The following DACH1 variants were observed in gnomAD, a reference collection of about 807,000 sequenced individuals.
The protein encoded by DACH1 is dachshund homolog 1.
In DACH1, 12 loss-of-function variants were observed where a neutral mutation model predicts 54.2. That is an observed-to-expected ratio of 0.22 (90% confidence interval 0.14 to 0.36). The LOEUF is 0.36. Ranked by LOEUF, DACH1 falls within the 10% of genes least tolerant of loss-of-function variation. The probability of loss-of-function intolerance (pLI) is 1.00; values close to 1 mark genes in which losing one functional copy is unlikely to be tolerated. For synonymous variants in DACH1, 386 were observed against 366.2 expected (o/e 1.05, Z -0.62); for missense variants, 805 against 929.8 (o/e 0.87, Z 1.75).
chr13:71,807,703 A>G (rs2138142372), intron 1 of DACH1, among the ~76,000 whole-genome samples: 1 of 152,306 alleles, frequency 6.6e-6, no homozygotes, highest in South Asian at 2.1e-4. Context: ...ACTTTTGGTA[A>G]TTGATTTCCT....
chr13:71,578,917 T>C (rs1322016871), intron 3 of DACH1, among the ~76,000 whole-genome samples: 1 of 152,156 alleles, frequency 6.6e-6, no homozygotes, highest in African/African-American at 2.4e-5. Flanking sequence ...CTTACATCAA[T>C]TTATTTTTTT....
Position 71,867,010 on chromosome 13 carries a change from C to A in DACH1, c.-241G>T. On this transcript the variant is annotated 5_prime_UTR_variant, in exon 1 of 11. Coordinates refer to ENST00000613252, the MANE Select transcript of DACH1 (RefSeq NM_080759.6). ...GAGAGGAACGCACAAAAGTGTCCCG[C>A]AAGTCGAAATGCGAGTCCTCTCCGG... 1 of 188,624 alleles carries A rather than the reference C, an allele frequency of 5.3e-6. No homozygotes were observed. The allele number at this position is 188,624 out of a possible 1,614,324, so 11.7% of individuals were successfully genotyped here.
At chr13:71,730,460 T>A (rs1214651878) in intron 1 of DACH1, among the ~76,000 whole-genome samples, 1 of 152,200 alleles carries the variant, frequency 6.6e-6, no homozygotes, top group Non-Finnish European at 1.5e-5. Context: ...TCATTCTGAA[T>A]GTATTTGAAA....
intron 3 of DACH1, chr13:71,573,439 G>A (rs922296793): frequency 2.8e-6 from 2 of 716,662 alleles, no homozygotes; most frequent in African/African-American, 3.5e-5. Context: ...AGGTGGCTCT[G>A]CTGAAGATGG....
intron 7 of DACH1, among the ~76,000 whole-genome samples, chr13:71,487,329 C>G (rs1878619607): frequency 6.6e-6 from 1 of 152,104 alleles, no homozygotes; most frequent in Admixed American, 6.5e-5. Context: ...TATATTAAAT[C>G]TAGAGCCACC....
At chr13:71,832,545 G>A (rs1440618735) in intron 1 of DACH1, among the ~76,000 whole-genome samples, 2 of 151,906 alleles carry the variant, frequency 1.3e-5, no homozygotes, top group African/African-American at 4.8e-5. Context: ...AAAAATGGCT[G>A]TAGATGACTA....
At chr13:71,640,750 G>T (rs897498774) in intron 2 of DACH1, among the ~76,000 whole-genome samples, 3 of 152,074 alleles carry the variant, frequency 2.0e-5, no homozygotes, top group Admixed American at 6.6e-5. Flanking sequence ...GATTGAAAGT[G>T]TGTGATACTC....
chr13:71,625,865 C>T (rs1253347652), intron 3 of DACH1, among the ~76,000 whole-genome samples: 2 of 151,872 alleles, frequency 1.3e-5, no homozygotes, highest in Non-Finnish European at 2.9e-5. Context: ...ATGGTTTAAA[C>T]AATGAGATTT....
intron 6 of DACH1, among the ~76,000 whole-genome samples, chr13:71,529,705 T>TTAAG (rs1882285959): frequency 6.6e-6 from 1 of 152,192 alleles, no homozygotes; most frequent in South Asian, 2.1e-4. Context: ...CATTCATCTT[T>TTAAG]TAAGTGCAAA....
In DACH1 at chr13:71,691,970, T is replaced by G. The variant is rs1352675738; in HGVS notation, c.849-10060A>C. ...TTGTCAACTGAAGGAGAGGAGGGGG[T>G]GCTAAGTAACGAAACAGCCATAGAG... On this transcript the variant is annotated intron_variant, in intron 1 of 10. Transcript: ENST00000613252. Among the ~76,000 whole-genome samples the G allele has an allele frequency of 3.4e-5, 5 of 146,812 alleles. No homozygotes were observed. The East Asian group carries it at 6.0e-4, about 18-fold the overall frequency.
chr13:71,651,662 CTGTATCTGTATCTGTATCTGTATA>C (rs1194002667), intron 2 of DACH1, among the ~76,000 whole-genome samples: 8 of 103,714 alleles, frequency 7.7e-5, no homozygotes, highest in African/African-American at 3.1e-4. Flanking sequence ...GTATATGTAT[CTGTATCTGTATCTGTATCTGTATA>C]TGTATATGTA....
At chr13:71,818,546 G>A (rs9542749) in intron 1 of DACH1, among the ~76,000 whole-genome samples, 100,342 of 151,986 alleles carry the variant, frequency 0.66, 33,577 homozygotes, top group East Asian at 0.88. Flanking sequence ...TATCATCTCC[G>A]GGGCTGTGAC....
chr13:71,834,654 C>T (rs1270690608), intron 1 of DACH1, among the ~76,000 whole-genome samples: 5 of 152,006 alleles, frequency 3.3e-5, no homozygotes, highest in Non-Finnish European at 7.4e-5. Flanking sequence ...CCAATTCTCT[C>T]ATTTTATAAA....
At chr13:71,787,204 G>A (rs146466262) in intron 1 of DACH1, among the ~76,000 whole-genome samples, 278 of 152,272 alleles carry the variant, frequency 1.8e-3, no homozygotes, top group Middle Eastern at 3.4e-3. Flanking sequence ...AAACTCCAGC[G>A]TGCTTACATT....
At chr13:71,506,713 G>C (rs2138246435) in intron 6 of DACH1, among the ~76,000 whole-genome samples, 1 of 152,138 alleles carries the variant, frequency 6.6e-6, no homozygotes, top group East Asian at 1.9e-4. Context: ...CAGAGATATT[G>C]ATCAATGGAA....
chr13:71,753,668 C>A (rs1001624061), intron 1 of DACH1, among the ~76,000 whole-genome samples: 9 of 152,134 alleles, frequency 5.9e-5, no homozygotes, highest in Non-Finnish European at 1.0e-4. Context: ...TAACTTGCTT[C>A]GCAAGTGGAA....
chr13:71,663,065 A>T lies in DACH1; in HGVS notation c.964+18730T>A, dbSNP rs187880614. On this transcript the variant is annotated intron_variant, in intron 2 of 10. Transcript: ENST00000613252. ...ATATATTGTATGATATCTAATATTC[A>T]CTTCAGATTTTCTGCAACAAGAAGA... 4.6e-5 allele frequency among the ~76,000 whole-genome samples: 7 copies of T among 151,970 alleles called. No homozygotes were observed. In the East Asian group the frequency reaches 1.4e-3, roughly 29 times the overall value.
Position 71,696,137 on chromosome 13 carries a change from T to G in DACH1, c.849-14227A>C, listed in dbSNP as rs185247460. On this transcript the variant is annotated intron_variant, in intron 1 of 10. Transcript: ENST00000613252. ...TCATTGCCTGGGTGACGGGGTCATCTTCACCCCAAACCTCAGCATCACCCA... is the reference window on the plus strand; with the variant it reads ...TCATTGCCTGGGTGACGGGGTCATCGTCACCCCAAACCTCAGCATCACCCA... Among the ~76,000 whole-genome samples the G allele has an allele frequency of 5.3e-5, 8 of 152,248 alleles. No individual in the cohort carries two copies. In the East Asian group the frequency reaches 1.5e-3, roughly 29 times the overall value.
chr13:71,590,202 A>G (rs1873595831), intron 3 of DACH1, among the ~76,000 whole-genome samples: 1 of 152,160 alleles, frequency 6.6e-6, no homozygotes, highest in South Asian at 2.1e-4. Context: ...AAAACCTGTT[A>G]TATAAGCTCA....
Sources: gnomAD v4.1 joint callset for allele counts (sites outside exome capture counted in the v4.1 genomes callset) on GRCh38, gnomAD v4.1.1 for gene constraint, MANE v1.5 for transcripts, NCBI Gene and HGNC (gene_info 2026-07-23, HGNC 2026-07-21) for gene names.